Variants in CEP128 observed in about 807,000 individuals in gnomAD.
CEP128 encodes centrosomal protein 128, also known as centrosomal protein 128kDa.
CEP128 carries 132 observed loss-of-function variants against 156.7 expected under a neutral mutation model. The ratio of observed to expected loss-of-function variants is 0.84; its 90% CI spans 0.73 to 0.97. CEP128 has a LOEUF of 0.97. Ranked by LOEUF, CEP128 falls within the 50% of genes least tolerant of loss-of-function variation. The pLI is 0.00. For missense variants in CEP128, 1,252 were observed against 1,281.9 expected (o/e 0.98, Z 0.36); for synonymous variants, 469 against 448.9 (o/e 1.04, Z -0.57).
intron 21 of CEP128, among the ~76,000 whole-genome samples, chr14:80,536,307 CTTA>C (rs1889481016): frequency 6.6e-6 from 1 of 151,940 alleles, no homozygotes; most frequent in Non-Finnish European, 1.5e-5. Context: ...CATTTATTTT[CTTA>C]TTAACATGTA....
intron 10 of CEP128, among the ~76,000 whole-genome samples, chr14:80,838,502 G>T (rs144402660): frequency 1.3e-5 from 2 of 152,018 alleles, no homozygotes. Context: ...AGGAAGTCTG[G>T]GATCTAGTAA....
intron 4 of CEP128, among the ~76,000 whole-genome samples, chr14:80,912,001 A>G (rs1029868504): frequency 1.3e-5 from 2 of 152,116 alleles, no homozygotes; most frequent in African/African-American, 4.8e-5. Context: ...GGCGGATCAC[A>G]AGGTCAGGAG....
At chr14:80,793,455 T>C (rs79395334) in intron 13 of CEP128, among the ~76,000 whole-genome samples, 7,361 of 152,312 alleles carry the variant, frequency 0.048, 199 homozygotes, top group Middle Eastern at 0.061. Context: ...TGAAGAAATA[T>C]CGATGTTTTA....
chr14:80,933,664 T>C (rs1885615768), intron 2 of CEP128, among the ~76,000 whole-genome samples: 1 of 152,142 alleles, frequency 6.6e-6, no homozygotes, highest in South Asian at 2.1e-4. Context: ...ATCTGTCTCA[T>C]CTGTTTAGGG....
chr14:80,679,710 G>C (rs953694912), intron 19 of CEP128, among the ~76,000 whole-genome samples: 1 of 150,520 alleles, frequency 6.6e-6, no homozygotes, highest in East Asian at 1.9e-4. Flanking sequence ...ATTGGCCTCA[G>C]AAGCATGTGA....
chr14:80,908,887 A>G (rs1488242728), intron 4 of CEP128, among the ~76,000 whole-genome samples: 3 of 152,204 alleles, frequency 2.0e-5, no homozygotes, highest in Admixed American at 2.0e-4. Flanking sequence ...GTCACCGTGA[A>G]GGCTGGTCTA....
At chr14:80,600,063 C>T (rs1222204677) in intron 19 of CEP128, among the ~76,000 whole-genome samples, 1 of 152,084 alleles carries the variant, frequency 6.6e-6, no homozygotes. Context: ...GTCATCATGT[C>T]ATCCTCAGAA....
intron 19 of CEP128, among the ~76,000 whole-genome samples, chr14:80,671,360 A>C (rs530972870): frequency 1.3e-5 from 2 of 152,318 alleles, no homozygotes; most frequent in African/African-American, 4.8e-5. Context: ...CTTGGATTGT[A>C]GGTAAGATAC....
At chr14:80,889,314 T>G (rs1405558065) in intron 8 of CEP128, among the ~76,000 whole-genome samples, 1 of 152,220 alleles carries the variant, frequency 6.6e-6, no homozygotes, top group Non-Finnish European at 1.5e-5. Flanking sequence ...AGAGCCTGCA[T>G]AGCCAAACAA....
rs1254166764 is a variant in CEP128, at chr14:80,615,230, T to TA, written c.2807-34808dup. Among the ~76,000 whole-genome samples, 7 of 152,108 alleles carry TA rather than the reference T, an allele frequency of 4.6e-5. No individual in the cohort carries two copies. In the South Asian group the frequency reaches 1.2e-3, roughly 27 times the overall value. ...AACAGTATAGAAATGAAATTTGCAA[T>TA]AAAAAATGACATTAAATAACAATCT... is the stretch of plus-strand genomic sequence containing the variant. On this transcript the variant is annotated intron_variant, in intron 19 of 24. Transcript: ENST00000555265.
At chr14:80,634,341 C>T (rs140269245) in intron 19 of CEP128, among the ~76,000 whole-genome samples, 80 of 152,200 alleles carry the variant, frequency 5.3e-4, no homozygotes, top group Non-Finnish European at 3.7e-4. Context: ...TGGATTGATG[C>T]CAGATTCCCG....
At chr14:80,675,997 T>A (rs930728732) in intron 19 of CEP128, among the ~76,000 whole-genome samples, 2 of 152,174 alleles carry the variant, frequency 1.3e-5, no homozygotes, top group Non-Finnish European at 2.9e-5. Flanking sequence ...CATGAAATGC[T>A]ATCTTTGTTC....
chr14:80,806,897 A>G (rs1350265015), intron 13 of CEP128, among the ~76,000 whole-genome samples: 1 of 152,184 alleles, frequency 6.6e-6, no homozygotes, highest in Non-Finnish European at 1.5e-5. Context: ...ATCATTATAG[A>G]GCATTATGGT....
Position 80,774,234 on chromosome 14 carries a change from T to C in CEP128, c.2376+3648A>G, listed in dbSNP as rs541011266. ...TATTTCTTAGCTTACCAGGTAATAA[T>C]AACATGACAAGAAACACAATCTAAA... is the stretch of plus-strand genomic sequence containing the variant. On this transcript the variant is annotated intron_variant, in intron 16 of 24. Transcript: ENST00000555265. 3.3e-5 allele frequency among the ~76,000 whole-genome samples: 5 copies of C among 152,212 alleles called. No individual in the cohort carries two copies. In the East Asian group the frequency reaches 9.6e-4, roughly 29 times the overall value.
At position 80,899,995 on chromosome 14, in the gene CEP128, C is replaced by T. The variant is rs1043286508; in HGVS notation, c.515G>A (p.Ser172Asn). ...HGFHQSLRDLSSEQIRLGDDF... is the reference protein window; with the variant it reads ...HGFHQSLRDLNSEQIRLGDDF... ...ATCTCCAAGGCGAATTTGTTCACTG[C>T]TGAGGTCTCGAAGAGACTGATGAAA... The change falls in exon 7 of 25, where the codon AGC (serine) becomes AAC (asparagine). Residue 172 changes from serine to asparagine, a missense_variant. Physicochemically the swap from Ser to Asn is conservative, Grantham distance 46. Coordinates refer to ENST00000555265, the MANE Select transcript of CEP128 (RefSeq NM_152446.5). The T allele has an allele frequency of 6.8e-6, 11 of 1,613,572 alleles. No individual in the cohort carries two copies. The highest frequency in any genetic ancestry group is 1.6e-4 in the Middle Eastern group (1 of 6,080).
chr14:80,787,468 A>G (rs1901471056), intron 14 of CEP128, among the ~76,000 whole-genome samples: 1 of 152,196 alleles, frequency 6.6e-6, no homozygotes, highest in Non-Finnish European at 1.5e-5. Flanking sequence ...CCAGAAAAAA[A>G]AAAACCTTCT....
chr14:80,933,990 G>C (rs1361699574), intron 2 of CEP128, among the ~76,000 whole-genome samples: 1 of 152,172 alleles, frequency 6.6e-6, no homozygotes, highest in East Asian at 1.9e-4. Context: ...CGATATACAA[G>C]AAATAAGATG....
intron 19 of CEP128, among the ~76,000 whole-genome samples, chr14:80,677,839 C>T (rs1476078114): frequency 1.3e-5 from 2 of 151,986 alleles, no homozygotes; most frequent in South Asian, 2.1e-4. Flanking sequence ...TAAAACAAGA[C>T]ATTTAGGACT....
intron 19 of CEP128, among the ~76,000 whole-genome samples, chr14:80,694,708 A>G (rs966648484): frequency 8.2e-5 from 12 of 146,622 alleles, no homozygotes; most frequent in Non-Finnish European, 1.8e-4. Flanking sequence ...ATGAGAACAC[A>G]TGGACTCAGG....
Sources: allele counts gnomAD v4.1 joint callset (sites outside exome capture counted in the v4.1 genomes callset), GRCh38; gene constraint gnomAD v4.1.1; transcripts MANE v1.5; gene names NCBI Gene and HGNC (gene_info 2026-07-23, HGNC 2026-07-21).